SLC26A4: variants seen among roughly 807,000 people sequenced by gnomAD.
SLC26A4 encodes the protein pendrin.
A neutral mutation model predicts 90.4 loss-of-function variants in SLC26A4; 93 were observed. The ratio of observed to expected loss-of-function variants is 1.03; its 90% CI spans 0.87 to 1.22. The LOEUF (loss-of-function observed/expected upper bound fraction) is 1.22. SLC26A4 is among the 50% of genes most tolerant of loss of function. The pLI is 0.00. For missense variants in SLC26A4, 1,127 were observed against 946.2 expected (o/e 1.19, Z -2.51); for synonymous variants, 393 against 354.6 (o/e 1.11, Z -1.22).
intron 18 of SLC26A4, among the ~76,000 whole-genome samples, chr7:107,705,741 T>C (rs147854726): frequency 6.6e-6 from 1 of 152,286 alleles, no homozygotes; most frequent in Non-Finnish European, 1.5e-5. Context: ...TAGGCACAAG[T>C]AAGGGAAAAT....
At chr7:107,694,204 C>A (rs1791665346) in intron 10 of SLC26A4, among the ~76,000 whole-genome samples, 199 bp from the exon 11 acceptor site, 1 of 152,178 alleles carries the variant, frequency 6.6e-6, no homozygotes, top group Non-Finnish European at 1.5e-5. Context: ...TCTGCCATAG[C>A]ATATATAGAT....
chr7:107,669,809 C>T (rs1352970645), intron 3 of SLC26A4, among the ~76,000 whole-genome samples: 1 of 152,174 alleles, frequency 6.6e-6, no homozygotes, highest in Admixed American at 6.5e-5. Context: ...TCCTACCATA[C>T]AGATAACCCA....
intron 2 of SLC26A4, among the ~76,000 whole-genome samples, chr7:107,662,796 G>T (rs1263533838): frequency 6.6e-6 from 1 of 152,056 alleles, no homozygotes; most frequent in Non-Finnish European, 1.5e-5. Flanking sequence ...TCATCTGTAG[G>T]TCACTGAATT....
chr7:107,674,249 T>A lies in SLC26A4; in HGVS notation c.501T>A (p.Asn167Lys), dbSNP rs1790954431. 2 of 1,614,068 alleles carry A rather than the reference T, an allele frequency of 1.2e-6. No homozygotes were observed. Among genetic ancestry groups the A allele is most frequent in the Non-Finnish European group, 1.7e-6 (2 of 1,179,996 alleles). ...PDEHFLVSSS[N>K]GTVLNTTMID... ...AACACTTTCTCGTATCCAGCAGCAATGGAACTGTATTAAATACTACTATGA... is the reference window on the plus strand; with the variant it reads ...AACACTTTCTCGTATCCAGCAGCAAAGGAACTGTATTAAATACTACTATGA... The change falls in exon 5 of 21, where the codon AAT becomes AAA. Residue 167 changes from asparagine to lysine, a missense_variant. Asn to Lys is a moderately conservative substitution (Grantham distance 94). Coordinates refer to ENST00000644269, the MANE Select transcript of SLC26A4 (RefSeq NM_000441.2).
chr7:107,714,761 G>C (rs568791738), intron 20 of SLC26A4, among the ~76,000 whole-genome samples: 1 of 152,198 alleles, frequency 6.6e-6, no homozygotes, highest in African/African-American at 2.4e-5. Flanking sequence ...GTGCACCCCA[G>C]GGCAAATTAC....
chr7:107,712,633 T>C lies in SLC26A4; in HGVS notation c.2319+11T>C, dbSNP rs760081968. On this transcript the variant is annotated intron_variant, in intron 20 of 20. Transcript: ENST00000644269. The stretch of plus-strand genomic sequence containing the variant: ...GATGTCCAGGATGAGGTATGATCAT[T>C]TTCTTCTGAAGAAAATATTTGAATT... The C allele has an allele frequency of 1.0e-5, 14 of 1,393,920 alleles. No homozygotes were observed. Among genetic ancestry groups the C allele is most frequent in the Non-Finnish European group, 1.2e-5 (12 of 979,564 alleles). 86.3% of individuals were successfully genotyped at this position (1,393,920 alleles called of 1,614,324 possible).
At chr7:107,714,913 A>G (rs1053880636) in intron 20 of SLC26A4, among the ~76,000 whole-genome samples, 1 of 151,970 alleles carries the variant, frequency 6.6e-6, no homozygotes, top group Non-Finnish European at 1.5e-5. Context: ...ATTGCTCTTA[A>G]ATAAATCCAA....
chr7:107,691,173 CT>C (rs1205616903), intron 10 of SLC26A4, among the ~76,000 whole-genome samples: 1 of 145,646 alleles, frequency 6.9e-6, no homozygotes, highest in Non-Finnish European at 1.5e-5. Flanking sequence ...TCTTCACAGT[CT>C]TCAAATGGGT....
chr7:107,690,876 T>C (rs1026323030), intron 10 of SLC26A4, among the ~76,000 whole-genome samples: 2 of 151,964 alleles, frequency 1.3e-5, no homozygotes, highest in Admixed American at 6.6e-5. Context: ...GGATAATCCC[T>C]CCTTCAGTGT....
At chr7:107,676,019 G>T (rs1791015696) in intron 6 of SLC26A4, among the ~76,000 whole-genome samples, 1 of 152,242 alleles carries the variant, frequency 6.6e-6, no homozygotes, top group Admixed American at 6.5e-5. Flanking sequence ...TAACAGACTT[G>T]ATTTCTAGCC....
chr7:107,686,431 TTCTTTCTTTC>T (rs1394739714), intron 8 of SLC26A4, among the ~76,000 whole-genome samples: 2 of 88,408 alleles, frequency 2.3e-5, no homozygotes, highest in Admixed American at 1.1e-4. Flanking sequence ...CTTTCTTTCT[TTCTTTCTTTC>T]TTTCTTTCTT....
At chr7:107,702,834 A>G (rs1421735515) in intron 17 of SLC26A4, among the ~76,000 whole-genome samples, 1 of 152,210 alleles carries the variant, frequency 6.6e-6, no homozygotes, top group Admixed American at 6.5e-5. Context: ...TTACATTTCT[A>G]TTTGTTATGT....
chr7:107,686,395 T>TTC (rs1791410902), intron 8 of SLC26A4, among the ~76,000 whole-genome samples: 1 of 144,120 alleles, frequency 6.9e-6, no homozygotes, highest in Non-Finnish European at 1.5e-5. Context: ...CCTTCCTTCC[T>TTC]CTCTCTCTTT....
intron 9 of SLC26A4, among the ~76,000 whole-genome samples, chr7:107,689,820 T>A (rs1337129746): frequency 6.6e-6 from 1 of 152,116 alleles, no homozygotes; most frequent in Non-Finnish European, 1.5e-5. Context: ...AGAAAAACAC[T>A]TTATGTGAGA....
In SLC26A4 at chr7:107,709,671, A is replaced by ACGTG. The variant is rs535901703; in HGVS notation, c.2090-382_2090-379dup. On this transcript the variant is annotated intron_variant, in intron 18 of 20. Transcript: ENST00000644269. ...TGGATACACTGGCTTGGCCAAAGGG[A>ACGTG]CGTGATCGTCCACAAGGTTGACTAC... 4.4e-3 allele frequency among the ~76,000 whole-genome samples: 669 copies of ACGTG among 152,298 alleles called. 2 individuals are homozygous for ACGTG. Among genetic ancestry groups the ACGTG allele is most frequent in the African/African-American group, 0.015 (626 of 41,558 alleles).
chr7:107,689,282 C>G, intron 9 of SLC26A4, 82 bp downstream of exon 9: 1 of 1,446,874 alleles, frequency 6.9e-7, no homozygotes, highest in South Asian at 1.1e-5. Context: ...TTGGTGTCAG[C>G]TAAAGAAGGG....
intron 10 of SLC26A4, among the ~76,000 whole-genome samples, chr7:107,694,019 A>G (rs948381551): frequency 2.6e-5 from 4 of 152,142 alleles, no homozygotes; most frequent in Admixed American, 2.6e-4. Context: ...AGAATACGAC[A>G]ATGATCTCTG....
intron 6 of SLC26A4, among the ~76,000 whole-genome samples, chr7:107,679,147 C>T (rs977124170): frequency 1.3e-5 from 2 of 151,960 alleles, no homozygotes; most frequent in African/African-American, 4.8e-5. Flanking sequence ...TAGTCAATAC[C>T]CTTGATGCTA....
intron 20 of SLC26A4, 90 bp from the exon 21 acceptor site, chr7:107,715,333 A>C: frequency 9.9e-7 from 1 of 1,012,772 alleles, no homozygotes; most frequent in Non-Finnish European, 1.6e-6. Flanking sequence ...TAAGCAATCA[A>C]TACTATAAAA....
Sources: allele counts gnomAD v4.1 joint callset (sites outside exome capture counted in the v4.1 genomes callset), GRCh38; gene constraint gnomAD v4.1.1; transcripts MANE v1.5; gene names NCBI Gene and HGNC (gene_info 2026-07-23, HGNC 2026-07-21).